NEU1: variants seen among roughly 807,000 people sequenced by gnomAD.
The protein encoded by NEU1 is neuraminidase 1.
A neutral mutation model predicts 38.3 loss-of-function variants in NEU1; 32 were observed. The observed-to-expected ratio is 0.84, with a 90% CI of 0.63 to 1.12. The LOEUF is 1.12. NEU1 is among the 50% of genes most tolerant of loss of function. NEU1 has a pLI of 0.00. For missense variants in NEU1, 431 were observed against 549.2 expected, an observed-to-expected ratio of 0.78 and a Z score of 2.15; for synonymous variants, 192 against 225.2, an observed-to-expected ratio of 0.85 and a Z score of 1.32.
Position 31,862,237 on chromosome 6 carries a change from G to A in NEU1, c.160-46C>T, listed in dbSNP as rs1165677213. On this transcript the variant is annotated intron_variant, in intron 1 of 5. Transcript: ENST00000375631. The surrounding 1 kb of genome is among the most constrained non-coding windows in gnomAD (Gnocchi z 6.3). ...GTCAACAAAGACAAACTTGTCTTGG[G>A]GGTTTTAGGAACCCACGTTCCGATG... is the stretch of plus-strand genomic sequence containing the variant. The A allele has an allele frequency of 6.2e-7, 1 of 1,602,500 alleles. No individual in the cohort carries two copies. The highest frequency in any genetic ancestry group is 8.5e-7 in the Non-Finnish European group (1 of 1,173,232).
chr6:31,862,790 T>A lies in NEU1; in HGVS notation c.-14A>T. 8 of 1,612,518 alleles carry A rather than the reference T, an allele frequency of 5.0e-6. No homozygotes were observed. The highest frequency in any genetic ancestry group is 6.8e-6 in the Non-Finnish European group (8 of 1,179,852). ...CTCCCCAGTCATCTCTCCCCGCAGCTGCCGCGACCCTGGCAGCTAGACTCC... is the reference window on the plus strand; with the variant it reads ...CTCCCCAGTCATCTCTCCCCGCAGCAGCCGCGACCCTGGCAGCTAGACTCC... On this transcript the variant is annotated 5_prime_UTR_variant, in exon 1 of 6. Transcript: ENST00000375631. The surrounding 1 kb of genome is among the most constrained non-coding windows in gnomAD (Gnocchi z 6.3).
chr6:31,861,158 C>T (rs1381470704), intron 3 of NEU1, 30 bp downstream of exon 3: 1 of 1,610,930 alleles, frequency 6.2e-7, no homozygotes, highest in Non-Finnish European at 8.5e-7. Flanking sequence ...CACAAGGCAG[C>T]CCCCTCCACC....
rs1054699080 is a variant in NEU1, at chr6:31,861,880, C to T, written c.352+119G>A. 5 of 1,122,158 alleles carry T rather than the reference C, an allele frequency of 4.5e-6. No homozygotes were observed. The African/African-American group carries it at 6.1e-5, about 14-fold the overall frequency. The allele number at this position is 1,122,158 out of a possible 1,614,324, so 69.5% of individuals were successfully genotyped here. A position where few individuals can be genotyped will look rare whatever the true frequency, so the allele number is the denominator to read the frequency against. ...ACTTGCCCTTCTCGGGTTCCCTCTA[C>T]CCCTCAGGGACTCAGGCAACCAACC... On this transcript the variant is annotated intron_variant, in intron 2 of 5. Transcript: ENST00000375631.
intron 2 of NEU1, 30 bp from the exon 3 acceptor site, chr6:31,861,480 G>A (rs200954634): frequency 6.8e-6 from 11 of 1,612,454 alleles, no homozygotes; most frequent in African/African-American, 1.3e-5. Context: ...GAAACCCAGA[G>A]TGAGCACTCT....
In NEU1 at chr6:31,862,531, G is replaced by A; in HGVS notation, c.159+87C>T. 1.3e-6 allele frequency: 2 copies of A among 1,593,886 alleles called. No homozygotes were observed. On this transcript the variant is annotated intron_variant, in intron 1 of 5. Coordinates refer to ENST00000375631, the MANE Select transcript of NEU1 (RefSeq NM_000434.4). The surrounding 1 kb of genome is among the most constrained non-coding windows in gnomAD (Gnocchi z 6.3). Reference sequence around the variant, plus strand: ...AAAGAAAAGGGTCCTGTCGCGGAAAGTCGGCTCAGCCGCCCGCGTTCCGGG... The same window carrying A: ...AAAGAAAAGGGTCCTGTCGCGGAAAATCGGCTCAGCCGCCCGCGTTCCGGG...
In NEU1 at chr6:31,859,875, C is replaced by A; in HGVS notation, c.1092G>T (p.Trp364Cys). 6.2e-7 allele frequency: 1 copy of A among 1,613,068 alleles called. No individual in the cohort carries two copies. Among genetic ancestry groups the A allele is most frequent in the Non-Finnish European group, 8.5e-7 (1 of 1,180,034 alleles). ...TSWRKETVQL[W>C]PGPSGYSSLA... ...GGGATGAATAGCCACTGGGGCCTGG[C>A]CATAGCTGGACTGTCTCTTTCCGCC... The change falls in exon 6 of 6, where the codon TGG (tryptophan) becomes TGT (cysteine). Residue 364 changes from tryptophan to cysteine, a missense_variant. By Grantham distance (215) the Trp-to-Cys change is radical. Transcript: ENST00000375631.
chr6:31,860,712 A>T lies in NEU1; in HGVS notation c.616-91T>A. The T allele has an allele frequency of 7.2e-7, 1 of 1,395,210 alleles. No individual in the cohort carries two copies. The highest frequency in any genetic ancestry group is 1.0e-6 in the Non-Finnish European group (1 of 985,990). The allele number at this position is 1,395,210 out of a possible 1,614,324, so 86.4% of individuals were successfully genotyped here. Reference sequence around the variant, plus strand: ...CCCACCACTTCCCAAATGCAATCACATGTATGGTCCCCTTGAGTTCAGCCC... The same window carrying T: ...CCCACCACTTCCCAAATGCAATCACTTGTATGGTCCCCTTGAGTTCAGCCC... On this transcript the variant is annotated intron_variant, in intron 3 of 5. Transcript: ENST00000375631. The surrounding 1 kb of genome is among the most constrained non-coding windows in gnomAD (Gnocchi z 4.8).
Position 31,862,821 on chromosome 6 carries a change from G to A in NEU1, c.-45C>T, listed in dbSNP as rs1477846479. On this transcript the variant is annotated 5_prime_UTR_variant, in exon 1 of 6. Coordinates refer to ENST00000375631, the MANE Select transcript of NEU1 (RefSeq NM_000434.4). This position sits in a 1 kb window ranked among gnomAD's most constrained non-coding sequence, Gnocchi z 6.3. ...GACCCTGGCAGCTAGACTCCACAGA[G>A]TCGGGAGTCAGCTGACCCGGACCCT... The A allele has an allele frequency of 1.2e-6, 2 of 1,609,276 alleles. No individual in the cohort carries two copies. The highest frequency in any genetic ancestry group is 1.7e-4 in the Middle Eastern group (1 of 5,978).
rs749906179 is a variant in NEU1 at position 31,862,661 on chromosome 6, G to A, written c.116C>T (p.Ser39Phe). ...AGCCTTGGACCAGGAGGCTGCCAGA[G>A]ACAGCAGCAGGAAGATCGCGGCAAA... ...WVFAAIFLLLSLAASWSKAEN... is the reference protein window; with the variant it reads ...WVFAAIFLLLFLAASWSKAEN... The change falls in exon 1 of 6, where the codon TCT (serine) becomes TTT (phenylalanine). Residue 39 changes from serine to phenylalanine, a missense_variant. Physicochemically the swap from Ser to Phe is radical, Grantham distance 155. Coordinates refer to ENST00000375631, the MANE Select transcript of NEU1 (RefSeq NM_000434.4). The surrounding 1 kb of genome is among the most constrained non-coding windows in gnomAD (Gnocchi z 6.3). 4 of 1,613,082 alleles carry A rather than the reference G, an allele frequency of 2.5e-6. No homozygotes were observed. The highest frequency in any genetic ancestry group is 1.7e-5 in the Admixed American group (1 of 60,028).
chr6:31,861,372 C>T lies in NEU1; in HGVS notation c.431G>A (p.Ser144Asn), dbSNP rs1762502939. The T allele has an allele frequency of 6.2e-7, 1 of 1,613,022 alleles. No individual in the cohort carries two copies. The highest frequency in any genetic ancestry group is 8.5e-7 in the Non-Finnish European group (1 of 1,180,038). Residue 144 changes from serine to asparagine, a missense_variant, in exon 3 of 6, where the codon AGC becomes AAC. Coordinates refer to ENST00000375631, the MANE Select transcript of NEU1 (RefSeq NM_000434.4). ...PDGLNLGAVV[S>N]DVETGVVFLF... Reference sequence around the variant, plus strand: ...AAATACTACTCCTGTCTCAACATCGCTCACTACTGCCCCAAGGTTCAGCCC... The same window carrying T: ...AAATACTACTCCTGTCTCAACATCGTTCACTACTGCCCCAAGGTTCAGCCC...
In NEU1 at chr6:31,860,104, G is replaced by A. The variant is rs748520207; in HGVS notation, c.959C>T (p.Ala320Val). 1.2e-6 allele frequency: 2 copies of A among 1,613,076 alleles called. No homozygotes were observed. Among genetic ancestry groups the A allele is most frequent in the Admixed American group, 1.7e-5 (1 of 60,020 alleles). Residue 320 changes from alanine to valine, a missense_variant, in exon 5 of 6, where the codon GCA becomes GTA. Coordinates refer to ENST00000375631, the MANE Select transcript of NEU1 (RefSeq NM_000434.4). This position sits in a 1 kb window ranked among gnomAD's most constrained non-coding sequence, Gnocchi z 4.8. ...GCCGGAGCTGGTGACTACAGCTCCT[G>A]CAGCTACCACAGGGTCCACGAGCTC... Reference protein sequence around the residue: ...DPELVDPVVAAGAVVTSSGIV... With the variant: ...DPELVDPVVAVGAVVTSSGIV...
rs1257635754 is a variant in NEU1, at chr6:31,860,734, G to C, written c.616-113C>G. On this transcript the variant is annotated intron_variant, in intron 3 of 5. Transcript: ENST00000375631. This position sits in a 1 kb window ranked among gnomAD's most constrained non-coding sequence, Gnocchi z 4.8. ...CACATGTATGGTCCCCTTGAGTTCA[G>C]CCCTTGCTCACTGAGGGTTCCAGTC... 3 of 1,207,268 alleles carry C rather than the reference G, an allele frequency of 2.5e-6. No homozygotes were observed. In the African/African-American group the frequency reaches 4.5e-5, roughly 18 times the overall value. The allele number at this position is 1,207,268 out of a possible 1,614,324, so 74.8% of individuals were successfully genotyped here. A position where few individuals can be genotyped will look rare whatever the true frequency, so the allele number is the denominator to read the frequency against.
chr6:31,858,583 C>T lies in NEU1; in HGVS notation c.*1136G>A, dbSNP rs1424721676. On this transcript the variant is annotated 3_prime_UTR_variant, in exon 6 of 6. Transcript: ENST00000375631. ...CGAGATCGCACCACTGCACTCTAGC[C>T]TGGGTGCCAGAGCAAGACTCCATCT... 1.3e-5 allele frequency: 2 copies of T among 149,938 alleles called. No homozygotes were observed. The highest frequency in any genetic ancestry group is 3.0e-5 in the Non-Finnish European group (2 of 67,710). The allele number at this position is 149,938 out of a possible 1,614,324, so 9.3% of individuals were successfully genotyped here.
Position 31,860,361 on chromosome 6 carries a change from C to A in NEU1, c.798+78G>T. On this transcript the variant is annotated intron_variant, in intron 4 of 5. Coordinates refer to ENST00000375631, the MANE Select transcript of NEU1 (RefSeq NM_000434.4). The surrounding 1 kb of genome is among the most constrained non-coding windows in gnomAD (Gnocchi z 4.8). ...GTGGCACTGAGTGGAGCAGTCAGAC[C>A]CTGGGTCTGTGCGTGAAATGATGTT... 1 of 1,607,602 alleles carries A rather than the reference C, an allele frequency of 6.2e-7. No individual in the cohort carries two copies. The highest frequency in any genetic ancestry group is 8.5e-7 in the Non-Finnish European group (1 of 1,174,382).
At position 31,860,148 on chromosome 6, in the gene NEU1, A is replaced by G; in HGVS notation, c.915T>C (p.Arg305=). The G allele has an allele frequency of 6.2e-7, 1 of 1,612,982 alleles. No homozygotes were observed. Among genetic ancestry groups the G allele is most frequent in the Non-Finnish European group, 8.5e-7 (1 of 1,180,008 alleles). The change falls in exon 5 of 6, where the codon CGT becomes CGC. Residue 305 remains arginine (R), a synonymous_variant. Coordinates refer to ENST00000375631, the MANE Select transcript of NEU1 (RefSeq NM_000434.4). The surrounding 1 kb of genome is among the most constrained non-coding windows in gnomAD (Gnocchi z 4.8). ...CGAGCTCAGGGTCGAAGGTCACATC[A>G]CGGGGCCTTAGTGTATCACAGGCAT... The part of the protein sequence containing the change: ...SYDACDTLRP[R]DVTFDPELVD...
In NEU1 at chr6:31,858,700, T is replaced by A. The variant is rs998831812; in HGVS notation, c.*1019A>T. 2.6e-5 allele frequency: 4 copies of A among 151,728 alleles called. No individual in the cohort carries two copies. Among genetic ancestry groups the A allele is most frequent in the Non-Finnish European group, 4.4e-5 (3 of 67,930 alleles). The allele number at this position is 151,728 out of a possible 1,614,324, so 9.4% of individuals were successfully genotyped here. On this transcript the variant is annotated 3_prime_UTR_variant, in exon 6 of 6. Transcript: ENST00000375631. ...TTCATACTCATTACACCTGTGAAGA[T>A]CAACCTGTTTCTCGGTGATAAGAAG... is the stretch of plus-strand genomic sequence containing the variant.
In NEU1 at chr6:31,860,077, A is replaced by G. The variant is rs1349272721; in HGVS notation, c.986T>C (p.Ile329Thr). The G allele has an allele frequency of 6.2e-7, 1 of 1,612,924 alleles. No homozygotes were observed. The highest frequency in any genetic ancestry group is 2.2e-5 in the East Asian group (1 of 44,862). ...AAGAVVTSSG[I>T]VFFSNPAHPE... Reference sequence around the variant, plus strand: ...ATGTGCTGGGTTGGAGAAGAAGACAATGCCGGAGCTGGTGACTACAGCTCC... The same window carrying G: ...ATGTGCTGGGTTGGAGAAGAAGACAGTGCCGGAGCTGGTGACTACAGCTCC... Residue 329 changes from isoleucine to threonine, a missense_variant, in exon 5 of 6, where the codon ATT becomes ACT. Coordinates refer to ENST00000375631, the MANE Select transcript of NEU1 (RefSeq NM_000434.4). This position sits in a 1 kb window ranked among gnomAD's most constrained non-coding sequence, Gnocchi z 4.8.
In NEU1 at chr6:31,860,171, C is replaced by T. The variant is rs1440341610; in HGVS notation, c.892G>A (p.Ala298Thr). 4 of 1,612,876 alleles carry T rather than the reference C, an allele frequency of 2.5e-6. No individual in the cohort carries two copies. The African/African-American group carries it at 4.0e-5, about 16-fold the overall frequency. ...HCRIVLRSYD[A>T]CDTLRPRDVT... Reference sequence around the variant, plus strand: ...TCACGGGGCCTTAGTGTATCACAGGCATCATAGCTGCGGAGGACAATTCGG... The same window carrying T: ...TCACGGGGCCTTAGTGTATCACAGGTATCATAGCTGCGGAGGACAATTCGG... The change falls in exon 5 of 6, where the codon GCC (alanine) becomes ACC (threonine). Residue 298 changes from alanine to threonine, a missense_variant. Coordinates refer to ENST00000375631, the MANE Select transcript of NEU1 (RefSeq NM_000434.4). This position sits in a 1 kb window ranked among gnomAD's most constrained non-coding sequence, Gnocchi z 4.8.
intron 2 of NEU1, 124 bp from the exon 3 acceptor site, chr6:31,861,574 C>T: frequency 8.6e-7 from 1 of 1,162,550 alleles, no homozygotes. Context: ...AGGGTGCAAT[C>T]CAACACTTGC....
Sources: allele counts gnomAD v4.1 joint callset, GRCh38; gene constraint gnomAD v4.1.1; non-coding constraint Gnocchi (gnomAD v3.1); transcripts MANE v1.5; gene names NCBI Gene and HGNC (gene_info 2026-07-23, HGNC 2026-07-21).